NOL4: variants seen among roughly 807,000 people sequenced by gnomAD.
NOL4 encodes the protein nucleolar protein 4.
In NOL4, 17 loss-of-function variants were observed where a neutral mutation model predicts 75.9. The observed-to-expected ratio is 0.22, with a 90% CI of 0.15 to 0.34. NOL4 has a LOEUF of 0.34. Ranked by LOEUF, NOL4 falls within the 10% of genes least tolerant of loss-of-function variation. NOL4 has a pLI of 1.00. For missense variants in NOL4, 614 were observed against 793.5 expected (o/e 0.77, Z 2.72); for synonymous variants, 292 against 289.9 (o/e 1.01, Z -0.07).
chr18:33,982,512 A>G (rs1347299798), intron 6 of NOL4, among the ~76,000 whole-genome samples: 1 of 152,148 alleles, frequency 6.6e-6, no homozygotes, highest in Non-Finnish European at 1.5e-5. Flanking sequence ...AGAAGACAGA[A>G]CAATCTGTAT....
At chr18:34,059,030 C>T (rs1463213928) in intron 5 of NOL4, among the ~76,000 whole-genome samples, 1 of 150,378 alleles carries the variant, frequency 6.6e-6, no homozygotes, top group African/African-American at 2.4e-5. Flanking sequence ...TCTTTATTGG[C>T]TTCCTATCCA....
At chr18:34,119,887 G>T (rs1295188724) in intron 2 of NOL4, among the ~76,000 whole-genome samples, 1 of 152,144 alleles carries the variant, frequency 6.6e-6, no homozygotes, top group Non-Finnish European at 1.5e-5. Context: ...CTCCCAAAGT[G>T]CTGGGATTAC....
In NOL4 at chr18:34,048,227, T is replaced by C. The variant is rs922589929; in HGVS notation, c.773-28626A>G. On this transcript the variant is annotated intron_variant, in intron 5 of 10. Transcript: ENST00000261592. ...TTTTGCTTATCTAATTTTACCATGC[T>C]CCTGAGATTTTAGATGGATATTTAA... is the stretch of plus-strand genomic sequence containing the variant. Among the ~76,000 whole-genome samples the C allele has an allele frequency of 5.9e-5, 9 of 152,294 alleles. No individual in the cohort carries two copies. The South Asian group carries it at 1.9e-3, about 32-fold the overall frequency.
chr18:34,104,395 C>T (rs2079175282), intron 3 of NOL4, among the ~76,000 whole-genome samples: 1 of 151,884 alleles, frequency 6.6e-6, no homozygotes, highest in Admixed American at 6.6e-5. Flanking sequence ...TTTAAACATC[C>T]TGAATAACAA....
intron 1 of NOL4, chr18:34,158,544 A>T (rs534197383): frequency 3.4e-4 from 51 of 152,166 alleles, no homozygotes; most frequent in Admixed American, 7.2e-4. Context: ...TGGAAATGAG[A>T]TGGGAAAAGA....
intron 3 of NOL4, among the ~76,000 whole-genome samples, chr18:34,104,369 T>C (rs988239627): frequency 3.3e-5 from 5 of 152,048 alleles, no homozygotes; most frequent in Admixed American, 3.3e-4. Flanking sequence ...AAATTATTTA[T>C]AAATGCAGGG....
chr18:34,223,414 G>A lies in NOL4; in HGVS notation c.-161C>T, dbSNP rs1192596270. 1 of 1,006,720 alleles carries A rather than the reference G, an allele frequency of 9.9e-7. No individual in the cohort carries two copies. Among genetic ancestry groups the A allele is most frequent in the Non-Finnish European group, 1.4e-6 (1 of 703,686 alleles). 62.4% of individuals were successfully genotyped at this position (1,006,720 alleles called of 1,614,324 possible). A position where few individuals can be genotyped will look rare whatever the true frequency, so the allele number is the denominator to read the frequency against. On this transcript the variant is annotated 5_prime_UTR_variant, in exon 1 of 11. Coordinates refer to ENST00000261592, the MANE Select transcript of NOL4 (RefSeq NM_003787.5). ...GGGGGAAGGGATGGGAAGAGGGGAGGAGGGTCCGGTTGGGCACCAGCAATC... is the reference window on the plus strand; with the variant it reads ...GGGGGAAGGGATGGGAAGAGGGGAGAAGGGTCCGGTTGGGCACCAGCAATC...
At chr18:34,217,254 C>G (rs1157808210) in intron 1 of NOL4, among the ~76,000 whole-genome samples, 1 of 151,960 alleles carries the variant, frequency 6.6e-6, no homozygotes, top group South Asian at 2.1e-4. Context: ...TAAATACATA[C>G]AAGTATACCT....
intron 5 of NOL4, among the ~76,000 whole-genome samples, chr18:34,023,827 T>C (rs1160188584): frequency 6.6e-6 from 1 of 152,078 alleles, no homozygotes; most frequent in Non-Finnish European, 1.5e-5. Flanking sequence ...CTCCTTCTTG[T>C]CTAGAAGGTC....
At chr18:34,144,171 A>G (rs375244682) in intron 1 of NOL4, among the ~76,000 whole-genome samples, 73 of 152,264 alleles carry the variant, frequency 4.8e-4, no homozygotes, top group African/African-American at 1.7e-3. Context: ...TTGAGCACAT[A>G]TTCCCTTTTA....
chr18:34,069,525 C>G (rs1416828230), intron 5 of NOL4, among the ~76,000 whole-genome samples: 1 of 151,792 alleles, frequency 6.6e-6, no homozygotes, highest in Non-Finnish European at 1.5e-5. Context: ...TGAAAAATAT[C>G]AACCCATAGA....
At chr18:34,179,798 C>A (rs1035100356) in intron 1 of NOL4, among the ~76,000 whole-genome samples, 1 of 151,422 alleles carries the variant, frequency 6.6e-6, no homozygotes, top group African/African-American at 2.4e-5. Context: ...AAAGCAGGCC[C>A]CTATCAGAAA....
At chr18:34,085,535 C>G (rs1029835854) in intron 5 of NOL4, among the ~76,000 whole-genome samples, 1 of 152,152 alleles carries the variant, frequency 6.6e-6, no homozygotes, top group Non-Finnish European at 1.5e-5. Context: ...CAGAACCTAG[C>G]TAAGATGGGA....
intron 5 of NOL4, among the ~76,000 whole-genome samples, chr18:34,032,069 G>A (rs1600322472): frequency 6.6e-6 from 1 of 152,238 alleles, no homozygotes; most frequent in East Asian, 1.9e-4. Flanking sequence ...TCTTGCCTCT[G>A]GGGCTTAGAT....
At chr18:33,917,659 T>C (rs576590856) in intron 9 of NOL4, among the ~76,000 whole-genome samples, 1 of 151,916 alleles carries the variant, frequency 6.6e-6, no homozygotes, top group East Asian at 1.9e-4. Flanking sequence ...TACACCTAGT[T>C]AATTTTTTTT....
intron 9 of NOL4, among the ~76,000 whole-genome samples, chr18:33,937,731 G>A (rs942591671): frequency 6.6e-6 from 1 of 152,056 alleles, no homozygotes; most frequent in African/African-American, 2.4e-5. Context: ...AAGTTTCTGT[G>A]TGACACAGCT....
chr18:34,203,458 G>T (rs74601961), intron 1 of NOL4, among the ~76,000 whole-genome samples: 2,796 of 149,116 alleles, frequency 0.019, 41 homozygotes, highest in Non-Finnish European at 0.029. Flanking sequence ...CACAAGTAAA[G>T]CTGGGAAAAT....
intron 9 of NOL4, among the ~76,000 whole-genome samples, chr18:33,920,446 T>A (rs905933613): frequency 3.3e-5 from 5 of 152,350 alleles, no homozygotes; most frequent in African/African-American, 1.2e-4. Flanking sequence ...TCTTATTAGG[T>A]ATAGCTAATG....
In NOL4 at chr18:33,851,284, C is replaced by A. The variant is rs960063562; in HGVS notation, c.*1558G>T. The stretch of plus-strand genomic sequence containing the variant: ...AGATTTTTCACATTATATTCACCAA[C>A]AGTATCACAAAAGTTTTTTTTTTGT... On this transcript the variant is annotated 3_prime_UTR_variant, in exon 11 of 11. Coordinates refer to ENST00000261592, the MANE Select transcript of NOL4 (RefSeq NM_003787.5). 4.6e-5 allele frequency: 7 copies of A among 152,222 alleles called. No individual in the cohort carries two copies. In the East Asian group the frequency reaches 1.4e-3, roughly 29 times the overall value. The allele number at this position is 152,222 out of a possible 1,614,324, so 9.4% of individuals were successfully genotyped here. A position where few individuals can be genotyped will look rare whatever the true frequency, so the allele number is the denominator to read the frequency against.
Sources: gnomAD v4.1 joint callset for allele counts (sites outside exome capture counted in the v4.1 genomes callset) on GRCh38, gnomAD v4.1.1 for gene constraint, MANE v1.5 for transcripts, NCBI Gene and HGNC (gene_info 2026-07-23, HGNC 2026-07-21) for gene names.